Variants in FSTL4 observed in about 807,000 individuals in gnomAD.
The protein encoded by FSTL4 is follistatin like 4, also known as follistatin-related protein 4.
A neutral mutation model predicts 78.2 loss-of-function variants in FSTL4; 28 were observed. The ratio of observed to expected loss-of-function variants is 0.36; its 90% CI spans 0.27 to 0.49. The LOEUF (loss-of-function observed/expected upper bound fraction) is 0.49, where lower values mean the gene tolerates loss of function less well. Among genes scored for constraint, FSTL4 ranks in the 20% least tolerant of loss-of-function variants. The pLI is 0.98. For missense variants in FSTL4, 922 were observed against 1,084.9 expected, an observed-to-expected ratio of 0.85 and a Z score of 2.11; for synonymous variants, 422 against 440.5, an observed-to-expected ratio of 0.96 and a Z score of 0.53.
At chr5:133,823,068 C>T in the FSTL4 span, among the ~76,000 whole-genome samples, 1 of 152,130 alleles carries the variant, frequency 6.6e-6, no homozygotes, top group African/African-American at 2.4e-5. Flanking sequence ...GCATATGGTA[C>T]ATTAGAAGGT....
intron 3 of FSTL4, among the ~76,000 whole-genome samples, chr5:133,487,133 C>T (rs1561736354): frequency 6.6e-6 from 1 of 152,154 alleles, no homozygotes; most frequent in African/African-American, 2.4e-5. Flanking sequence ...ACCCTGTGAG[C>T]ACATTGCTCA....
intron 3 of FSTL4, among the ~76,000 whole-genome samples, chr5:133,518,818 C>T (rs1758915261): frequency 6.6e-6 from 1 of 152,064 alleles, no homozygotes; most frequent in Admixed American, 6.5e-5. Flanking sequence ...GCTATATTTC[C>T]AAATTGGCTA....
intron 6 of FSTL4, among the ~76,000 whole-genome samples, chr5:133,280,479 G>C (rs553796735): frequency 1.3e-5 from 2 of 152,192 alleles, no homozygotes; most frequent in East Asian, 3.9e-4. Context: ...CTGGGCCAGG[G>C]GTGTGCAGAT....
At chr5:133,699,619 C>T in the FSTL4 span, among the ~76,000 whole-genome samples, 4 of 152,158 alleles carry the variant, frequency 2.6e-5, no homozygotes, top group Admixed American at 6.5e-5. Context: ...CGGTGGCTCA[C>T]GCCTGTAATC....
At chr5:133,750,420 CAA>C in the FSTL4 span, among the ~76,000 whole-genome samples, 1 of 152,160 alleles carries the variant, frequency 6.6e-6, no homozygotes, top group Admixed American at 6.5e-5. Flanking sequence ...ATTTATGAAA[CAA>C]AGAGATGTTC....
At chr5:133,683,739 G>A in the FSTL4 span, among the ~76,000 whole-genome samples, 2 of 152,164 alleles carry the variant, frequency 1.3e-5, no homozygotes. Context: ...GGCCACGTGG[G>A]TCAGGAATGC....
intron 5 of FSTL4, among the ~76,000 whole-genome samples, chr5:133,315,293 G>A (rs1342782938): frequency 6.6e-6 from 1 of 152,210 alleles, no homozygotes; most frequent in Non-Finnish European, 1.5e-5. Context: ...GTCTCCCAAG[G>A]TCCACTAGCT....
chr5:133,555,231 G>T (rs1007576533), intron 3 of FSTL4, among the ~76,000 whole-genome samples: 1 of 152,200 alleles, frequency 6.6e-6, no homozygotes, highest in African/African-American at 2.4e-5. Context: ...ACAGATGAGA[G>T]AAGTCATCTT....
At chr5:133,494,894 G>A (rs1375816607) in intron 3 of FSTL4, among the ~76,000 whole-genome samples, 1 of 152,230 alleles carries the variant, frequency 6.6e-6, no homozygotes, top group Non-Finnish European at 1.5e-5. Context: ...TATCAACATG[G>A]AAAGTGAACT....
At chr5:133,752,812 TCA>T in the FSTL4 span, among the ~76,000 whole-genome samples, 1 of 152,028 alleles carries the variant, frequency 6.6e-6, no homozygotes, top group Non-Finnish European at 1.5e-5. Context: ...CCCCAGAATC[TCA>T]CACAGAGAAA....
the FSTL4 span, among the ~76,000 whole-genome samples, chr5:133,816,603 G>A: frequency 6.6e-6 from 1 of 152,190 alleles, no homozygotes; most frequent in African/African-American, 2.4e-5. Context: ...CCACTAGAGT[G>A]TCTAAGCGAG....
At chr5:133,288,857 C>T (rs550977277) in intron 6 of FSTL4, among the ~76,000 whole-genome samples, 41 of 151,510 alleles carry the variant, frequency 2.7e-4, no homozygotes, top group Non-Finnish European at 5.3e-4. Context: ...CGCATGTCCA[C>T]CTTGAGAATT....
rs538676898 is a variant in FSTL4 at position 133,537,844 on chromosome 5, T to G, written c.160+29342A>C. On this transcript the variant is annotated intron_variant, in intron 3 of 15. Transcript: ENST00000265342. ...GAGACACACACATATATAGTGTGTG[T>G]GTATCTATATGTACACACATATATA... Among the ~76,000 whole-genome samples the G allele has an allele frequency of 3.3e-5, 5 of 152,014 alleles. No individual in the cohort carries two copies. The South Asian group carries it at 1.0e-3, about 32-fold the overall frequency.
At position 133,216,001 on chromosome 5, in the gene FSTL4, G is replaced by T. The variant is rs111823975; in HGVS notation, c.1608+1228C>A. On this transcript the variant is annotated intron_variant, in intron 13 of 15. Coordinates refer to ENST00000265342, the MANE Select transcript of FSTL4 (RefSeq NM_015082.2). Reference sequence around the variant, plus strand: ...GAAACACATCTGCAAAGTCCCTTTTGCTATATAAGGCGACATCCACAGGTT... The same window carrying T: ...GAAACACATCTGCAAAGTCCCTTTTTCTATATAAGGCGACATCCACAGGTT... Among the ~76,000 whole-genome samples, 605 of 152,224 alleles carry T rather than the reference G, an allele frequency of 4.0e-3. 1 individual carries two copies. The highest frequency in any genetic ancestry group is 0.014 in the African/African-American group (574 of 41,522).
chr5:133,302,848 C>A (rs992989726), intron 6 of FSTL4, among the ~76,000 whole-genome samples: 1 of 152,230 alleles, frequency 6.6e-6, no homozygotes, highest in Admixed American at 6.5e-5. Context: ...CAGCTCTGAA[C>A]ATTTTCTCTT....
intron 4 of FSTL4, among the ~76,000 whole-genome samples, chr5:133,357,365 A>G (rs1017560024): frequency 2.0e-5 from 3 of 152,066 alleles, no homozygotes; most frequent in African/African-American, 7.2e-5. Context: ...TCTGCCCCCA[A>G]GGCAGAAGCT....
At chr5:133,753,683 CTGTGTGTGTGTG>C in the FSTL4 span, among the ~76,000 whole-genome samples, 27 of 120,694 alleles carry the variant, frequency 2.2e-4, no homozygotes, top group South Asian at 9.3e-4. Flanking sequence ...CACATTTGTT[CTGTGTGTGTGTG>C]TGTGTGTGTG....
intron 3 of FSTL4, among the ~76,000 whole-genome samples, chr5:133,474,158 G>A (rs1196391749): frequency 2.6e-5 from 4 of 152,172 alleles, no homozygotes; most frequent in Admixed American, 2.0e-4. Context: ...GACATGGGGA[G>A]TGCAGCATCT....
the FSTL4 span, among the ~76,000 whole-genome samples, chr5:133,805,126 A>T: frequency 1.3e-5 from 2 of 149,474 alleles, no homozygotes; most frequent in African/African-American, 4.9e-5. Context: ...CAGACTCAGT[A>T]CTCCTTCATC....
Sources: allele counts gnomAD v4.1 joint callset (sites outside exome capture counted in the v4.1 genomes callset), GRCh38; gene constraint gnomAD v4.1.1; transcripts MANE v1.5; gene names NCBI Gene and HGNC (gene_info 2026-07-23, HGNC 2026-07-21).